Variants in ABR observed in about 807,000 individuals in gnomAD.
ABR encodes the protein active breakpoint cluster region-related protein.
A neutral mutation model predicts 107.2 loss-of-function variants in ABR; 35 were observed. The ratio of observed to expected loss-of-function variants is 0.33; its 90% confidence interval spans 0.25 to 0.43. The LOEUF (loss-of-function observed/expected upper bound fraction) is 0.43. Among genes scored for constraint, ABR ranks in the 20% least tolerant of loss-of-function variants. The probability of loss-of-function intolerance (pLI) is 1.00; values close to 1 mark genes in which losing one functional copy is unlikely to be tolerated. For missense variants in ABR, 815 were observed against 1,115.2 expected, an observed-to-expected ratio of 0.73 and a Z score of 3.83; for synonymous variants, 498 against 462.0, an observed-to-expected ratio of 1.08 and a Z score of -1.00.
At chr17:1,186,603 T>C (rs1370649397) in intron 1 of ABR, among the ~76,000 whole-genome samples, 3 of 152,234 alleles carry the variant, frequency 2.0e-5, no homozygotes, top group African/African-American at 7.2e-5. Flanking sequence ...GGCAGCATCC[T>C]GGGCAGAGCC....
chr17:1,060,090 C>G (rs1481582386), intron 10 of ABR, among the ~76,000 whole-genome samples: 1 of 152,158 alleles, frequency 6.6e-6, no homozygotes, highest in Non-Finnish European at 1.5e-5. Flanking sequence ...TGCAGCCAAG[C>G]GACAGAGCAG....
chr17:1,053,676 C>T (rs570701095), intron 14 of ABR, among the ~76,000 whole-genome samples: 100 of 152,146 alleles, frequency 6.6e-4, no homozygotes, highest in African/African-American at 2.3e-3. Flanking sequence ...GTGGCGGCGG[C>T]GAAGGGAGTG....
chr17:1,016,876 C>T (rs62068326), intron 16 of ABR, among the ~76,000 whole-genome samples: 3 of 152,066 alleles, frequency 2.0e-5, no homozygotes, highest in East Asian at 3.9e-4. Flanking sequence ...ACGGTTTGAA[C>T]GCAGTTGCTA....
chr17:1,097,160 C>T (rs1597794602), intron 3 of ABR, among the ~76,000 whole-genome samples: 1 of 152,146 alleles, frequency 6.6e-6, no homozygotes, highest in African/African-American at 2.4e-5. Context: ...CTAAGGGCTC[C>T]GTGTCTGATG....
At chr17:1,108,852 C>G (rs1597841339) in intron 2 of ABR, 1 of 1,443,528 alleles carries the variant, frequency 6.9e-7, no homozygotes. Flanking sequence ...GCGCTCTGCG[C>G]CCGCATCAGC....
At chr17:1,121,554 AG>A (rs1272490691) in intron 2 of ABR, among the ~76,000 whole-genome samples, 15 of 137,992 alleles carry the variant, frequency 1.1e-4, no homozygotes, top group African/African-American at 4.4e-4. Context: ...CCCCCCAGGC[AG>A]GGCTCTGAGC....
At chr17:1,094,246 C>T (rs2037244528) in intron 3 of ABR, among the ~76,000 whole-genome samples, 1 of 152,206 alleles carries the variant, frequency 6.6e-6, no homozygotes, top group Non-Finnish European at 1.5e-5. Flanking sequence ...GCTGTGCGCA[C>T]ATCACTCAGC....
In ABR at chr17:1,091,837, A is replaced by G; in HGVS notation, c.359T>C (p.Leu120Pro). The G allele has an allele frequency of 6.2e-7, 1 of 1,613,102 alleles. No homozygotes were observed. Among genetic ancestry groups the G allele is most frequent in the Non-Finnish European group, 8.5e-7 (1 of 1,179,518 alleles). The part of the protein sequence containing the change: ...LEALLLPMKP[L>P]KATATTSQPV... Reference sequence around the variant, plus strand: ...CTGGGAGGTGGTGGCGGTGGCCTTCAGGGGTTTCATGGGCTGGGAGAAACA... The same window carrying G: ...CTGGGAGGTGGTGGCGGTGGCCTTCGGGGGTTTCATGGGCTGGGAGAAACA... Residue 120 changes from leucine (L) to proline (P), a missense_variant, in exon 4 of 23, where the codon CTG becomes CCG. Leu to Pro is a moderately conservative substitution (Grantham distance 98, BLOSUM62 -3). Transcript: ENST00000302538.
chr17:1,012,931 C>T (rs1189094803), intron 17 of ABR, 134 bp from the exon 18 acceptor site: 2 of 1,061,402 alleles, frequency 1.9e-6, no homozygotes, highest in Admixed American at 2.0e-5. Flanking sequence ...CAACACAACA[C>T]CTGCAGGACA....
chr17:1,185,474 G>A (rs949394753), intron 1 of ABR, among the ~76,000 whole-genome samples: 4 of 151,808 alleles, frequency 2.6e-5, no homozygotes, highest in East Asian at 2.0e-4. Flanking sequence ...GTGAAACCCC[G>A]TCTCTACTAA....
intron 14 of ABR, among the ~76,000 whole-genome samples, chr17:1,054,493 T>TGAGGGGATGGGGG (rs2032989478): frequency 7.0e-6 from 1 of 142,098 alleles, no homozygotes; most frequent in African/African-American, 2.9e-5. Context: ...ACAAGGAACC[T>TGAGGGGATGGGGG]CAAAGGGATG....
chr17:1,130,691 T>C (rs2039786708), intron 1 of ABR, among the ~76,000 whole-genome samples: 1 of 152,148 alleles, frequency 6.6e-6, no homozygotes, highest in South Asian at 2.1e-4. Flanking sequence ...TGTGAATAAA[T>C]GAAGGGTCTC....
chr17:1,106,954 A>C, intron 2 of ABR, among the ~76,000 whole-genome samples: 1 of 152,216 alleles, frequency 6.6e-6, no homozygotes. Context: ...GGGTGCTCTG[A>C]AGAGCACCTA....
chr17:1,069,205 T>C (rs1257800693), intron 9 of ABR, among the ~76,000 whole-genome samples: 1 of 151,966 alleles, frequency 6.6e-6, no homozygotes, highest in African/African-American at 2.4e-5. Context: ...ATGAGAACAT[T>C]TAAAAACAGG....
rs147403296 is a variant in ABR at position 1,217,990 on chromosome 17, C to A, written c.838+10803G>T. 2.2e-3 allele frequency among the ~76,000 whole-genome samples: 334 copies of A among 152,194 alleles called. 3 individuals are homozygous for A. Among genetic ancestry groups the A allele is most frequent in the African/African-American group, 7.8e-3 (322 of 41,524 alleles). On this transcript the variant is annotated intron_variant, in intron 1 of 22. Transcript: ENST00000574139. ...CATTACAGGAACGTGCTACCACGCC[C>A]GACTAATTTTTGTATTTTTAGTGGA...
intron 1 of ABR, among the ~76,000 whole-genome samples, chr17:1,186,569 C>T (rs2042302105): frequency 6.6e-6 from 1 of 152,244 alleles, no homozygotes; most frequent in Non-Finnish European, 1.5e-5. Context: ...AAGCCCCGTT[C>T]CCATGGCCAG....
chr17:1,058,355 G>A (rs1597596776), intron 11 of ABR, among the ~76,000 whole-genome samples: 1 of 152,232 alleles, frequency 6.6e-6, no homozygotes, highest in Non-Finnish European at 1.5e-5. Flanking sequence ...GGCCAGGCTG[G>A]TCTCAAACTC....
intron 3 of ABR, among the ~76,000 whole-genome samples, chr17:1,100,207 T>C (rs563215060): frequency 2.2e-4 from 33 of 151,386 alleles, no homozygotes; most frequent in Non-Finnish European, 3.7e-4. Flanking sequence ...GCACTAACGG[T>C]TCCCTCACCC....
At chr17:1,065,671 A>G (rs2034641881) in intron 10 of ABR, among the ~76,000 whole-genome samples, 1 of 152,046 alleles carries the variant, frequency 6.6e-6, no homozygotes, top group South Asian at 2.1e-4. Context: ...ACAGCACTAA[A>G]CAGTTTGCAG....
Sources: gnomAD v4.1 joint callset for allele counts (sites outside exome capture counted in the v4.1 genomes callset) on GRCh38, gnomAD v4.1.1 for gene constraint, MANE v1.5 for transcripts, NCBI Gene and HGNC (gene_info 2026-07-23, HGNC 2026-07-21) for gene names.